The following SLC25A26 variants were observed in gnomAD, a reference collection of about 807,000 sequenced individuals.
The protein encoded by SLC25A26 is solute carrier family 25 member 26.
In SLC25A26, 36 loss-of-function variants were observed where a neutral mutation model predicts 37.8. The ratio of observed to expected loss-of-function variants is 0.95; its 90% CI spans 0.73 to 1.26. The LOEUF (loss-of-function observed/expected upper bound fraction) is 1.26. Ranked by LOEUF, SLC25A26 falls within the 50% of genes most tolerant of loss-of-function variation. The pLI is 0.00. For synonymous variants in SLC25A26, 129 were observed against 122.5 expected (o/e 1.05, Z -0.35); for missense variants, 390 against 331.1 (o/e 1.18, Z -1.38).
intron 1 of SLC25A26, among the ~76,000 whole-genome samples, chr3:66,190,584 G>A (rs1228804736): frequency 3.3e-5 from 5 of 151,936 alleles, no homozygotes; most frequent in African/African-American, 9.7e-5. Flanking sequence ...GTGCACACCC[G>A]CACCTGGTTA....
At chr3:66,255,347 G>C (rs1255111163) in intron 3 of SLC25A26, among the ~76,000 whole-genome samples, 1 of 152,072 alleles carries the variant, frequency 6.6e-6, no homozygotes, top group East Asian at 1.9e-4. Context: ...AAAAACAACA[G>C]AAAATATTTT....
chr3:66,175,650 G>A (rs1026809974), intron 1 of SLC25A26, among the ~76,000 whole-genome samples: 4 of 152,208 alleles, frequency 2.6e-5, no homozygotes, highest in Non-Finnish European at 5.9e-5. Flanking sequence ...TCTGCAGGCT[G>A]GCAGGCTTGA....
At chr3:66,230,428 G>GGT (rs2071958543) in intron 1 of SLC25A26, among the ~76,000 whole-genome samples, 1 of 151,958 alleles carries the variant, frequency 6.6e-6, no homozygotes, top group Non-Finnish European at 1.5e-5. Flanking sequence ...TTTTGTCAGG[G>GGT]GTGTGTGTGT....
chr3:66,144,061 G>A (rs2070078504), intron 1 of SLC25A26, among the ~76,000 whole-genome samples: 1 of 152,104 alleles, frequency 6.6e-6, no homozygotes, highest in Admixed American at 6.5e-5. Context: ...ACAAAGTGGG[G>A]TAATATGATA....
chr3:66,371,053 AT>A, intron 9 of SLC25A26: 1 of 1,211,524 alleles, frequency 8.3e-7, no homozygotes. Context: ...ATTGAGAACC[AT>A]TGTGCTACAG....
intron 1 of SLC25A26, among the ~76,000 whole-genome samples, chr3:66,198,796 G>T (rs1405959256): frequency 6.6e-6 from 1 of 151,604 alleles, no homozygotes; most frequent in South Asian, 2.1e-4. Flanking sequence ...TTACCCTCAC[G>T]TTCCCAGTGG....
intron 2 of SLC25A26, among the ~76,000 whole-genome samples, chr3:66,238,727 TAAGG>T (rs528766455): frequency 6.5e-4 from 99 of 152,106 alleles, no homozygotes; most frequent in African/African-American, 2.3e-3. Flanking sequence ...AAGAAAATCA[TAAGG>T]AAGAGAAAAC....
intron 6 of SLC25A26, among the ~76,000 whole-genome samples, chr3:66,348,746 T>C (rs2076384292): frequency 6.6e-6 from 1 of 152,248 alleles, no homozygotes; most frequent in African/African-American, 2.4e-5. Context: ...TTTTAAGGCG[T>C]AGTATTGCTC....
chr3:66,195,475 C>A (rs1395231200), intron 1 of SLC25A26, among the ~76,000 whole-genome samples: 2 of 152,228 alleles, frequency 1.3e-5, no homozygotes, highest in African/African-American at 4.8e-5. Context: ...CCTCTTCTTT[C>A]CTCAGTAGGA....
Position 66,236,693 on chromosome 3 carries a change from T to G in SLC25A26, c.183T>G (p.Phe61Leu). The G allele has an allele frequency of 6.6e-7, 1 of 1,510,332 alleles. No individual in the cohort carries two copies. Among genetic ancestry groups the G allele is most frequent in the Admixed American group, 2.0e-5 (1 of 50,196 alleles). 93.6% of individuals were successfully genotyped at this position (1,510,332 alleles called of 1,614,324 possible). The change falls in exon 2 of 10, where the codon TTT (phenylalanine) becomes TTG (leucine). Residue 61 changes from phenylalanine to leucine, a missense_variant. Transcript: ENST00000354883. ...AGVPSAAIGS[F>L]PNAAAFFITY... ...TTCCTTCTGCTGCTATTGGATCCTT[T>G]CCTAATGGTAAAAAATTATATTCTC...
intron 5 of SLC25A26, among the ~76,000 whole-genome samples, chr3:66,312,533 G>GA (rs141858967): frequency 0.29 from 39,789 of 137,598 alleles, 6,012 homozygotes; most frequent in African/African-American, 0.4. Flanking sequence ...TGGGTACGAA[G>GA]AAAAAAAAGA....
chr3:66,325,886 G>T (rs1425770613), intron 5 of SLC25A26, among the ~76,000 whole-genome samples: 1 of 152,202 alleles, frequency 6.6e-6, no homozygotes, highest in Non-Finnish European at 1.5e-5. Context: ...CTCTTCTGGA[G>T]AATGGATCGT....
chr3:66,329,334 A>C (rs10510954), intron 5 of SLC25A26, among the ~76,000 whole-genome samples: 14 of 152,118 alleles, frequency 9.2e-5, no homozygotes, highest in Non-Finnish European at 1.6e-4. Flanking sequence ...AAAATTCTGC[A>C]TCCTTCTGTT....
intron 7 of SLC25A26, among the ~76,000 whole-genome samples, chr3:66,367,705 C>G (rs111282832): frequency 7.8e-4 from 115 of 146,566 alleles, no homozygotes; most frequent in Middle Eastern, 3.4e-3. Context: ...GACAGACAGA[C>G]ACAGAGAGAG....
At chr3:66,371,356 T>C (rs1700335393) in intron 9 of SLC25A26, 2 of 1,541,308 alleles carry the variant, frequency 1.3e-6, no homozygotes, top group South Asian at 2.4e-5. Flanking sequence ...TTGTAGTTTT[T>C]GTGTACCTTT....
intron 5 of SLC25A26, among the ~76,000 whole-genome samples, chr3:66,289,587 C>T (rs1054271470): frequency 6.6e-6 from 1 of 152,026 alleles, no homozygotes; most frequent in Non-Finnish European, 1.5e-5. Context: ...GGAATCCTTC[C>T]CCCATTGCTT....
At chr3:66,253,283 C>T (rs936910260) in intron 3 of SLC25A26, among the ~76,000 whole-genome samples, 4 of 150,984 alleles carry the variant, frequency 2.6e-5, no homozygotes, top group South Asian at 2.1e-4. Context: ...TGGTGGTGGA[C>T]GCCTGTAGTC....
intron 1 of SLC25A26, among the ~76,000 whole-genome samples, chr3:66,234,770 A>G (rs2072194823): frequency 6.6e-6 from 1 of 152,216 alleles, no homozygotes; most frequent in Admixed American, 6.5e-5. Context: ...AAGGATGGAA[A>G]CAATCAGTTT....
At chr3:66,184,914 A>T (rs1384028014) in intron 1 of SLC25A26, among the ~76,000 whole-genome samples, 2 of 152,148 alleles carry the variant, frequency 1.3e-5, no homozygotes, top group East Asian at 1.9e-4. Context: ...TGACATTCAC[A>T]CTGATCATCA....
Sources: gnomAD v4.1 joint callset for allele counts (sites outside exome capture counted in the v4.1 genomes callset) on GRCh38, gnomAD v4.1.1 for gene constraint, MANE v1.5 for transcripts, NCBI Gene and HGNC (gene_info 2026-07-23, HGNC 2026-07-21) for gene names.